Variants in MYO18A observed in about 807,000 individuals in gnomAD.
MYO18A encodes the protein myosin XVIIIA.
MYO18A carries 78 observed loss-of-function variants against 235.8 expected under a neutral mutation model. The ratio of observed to expected loss-of-function variants is 0.33; its 90% CI spans 0.28 to 0.40. The LOEUF is 0.40. Among genes scored for constraint, MYO18A ranks in the 10% least tolerant of loss-of-function variants. The pLI, the probability that MYO18A is intolerant of heterozygous loss-of-function variation, is 1.00. For missense variants in MYO18A, 2,215 were observed against 2,699.3 expected, an observed-to-expected ratio of 0.82 and a Z score of 3.98; for synonymous variants, 977 against 1,077.8, an observed-to-expected ratio of 0.91 and a Z score of 1.83.
chr17:29,125,920 C>T lies in MYO18A; in HGVS notation c.1000-3667G>A, dbSNP rs1256729756. Reference sequence around the variant, plus strand: ...AAGCTGTGAAGATCCTCTCCAGCCGCTGGTGGGCCTCTTCCACGGGGGTCA... The same window carrying T: ...AAGCTGTGAAGATCCTCTCCAGCCGTTGGTGGGCCTCTTCCACGGGGGTCA... On this transcript the variant is annotated intron_variant, in intron 2 of 41. Transcript: ENST00000527372. This position sits in a 1 kb window ranked among gnomAD's most constrained non-coding sequence, Gnocchi z 5.1. 4.1e-6 allele frequency: 4 copies of T among 985,378 alleles called. No homozygotes were observed. The African/African-American group carries it at 5.2e-5, about 13-fold the overall frequency. 61.0% of individuals were successfully genotyped at this position (985,378 alleles called of 1,614,324 possible).
At chr17:29,168,327 C>T (rs561782434) in intron 1 of MYO18A, among the ~76,000 whole-genome samples, 1 of 152,178 alleles carries the variant, frequency 6.6e-6, no homozygotes, top group Non-Finnish European at 1.5e-5. Flanking sequence ...ACCCACCAAC[C>T]TACCCAACCC....
chr17:29,103,549 A>G, intron 21 of MYO18A, 50 bp downstream of exon 21: 1 of 1,586,480 alleles, frequency 6.3e-7, no homozygotes, highest in Non-Finnish European at 8.7e-7. Flanking sequence ...CAGCCACCTG[A>G]CAGGGGCCCC....
At chr17:29,075,478 A>G (rs1181118184) in intron 41 of MYO18A, 1 of 167,340 alleles carries the variant, frequency 6.0e-6, no homozygotes, top group African/African-American at 2.4e-5. Context: ...AGCTTTGACC[A>G]TGCCATCATC....
intron 2 of MYO18A, chr17:29,133,705 C>T (rs2067528937): frequency 3.1e-6 from 3 of 979,386 alleles, no homozygotes; most frequent in Admixed American, 4.7e-5. Flanking sequence ...CTCTAGCTTC[C>T]AAAGCTCCCT....
chr17:29,139,232 G>T (rs1247471407), intron 2 of MYO18A, among the ~76,000 whole-genome samples: 1 of 152,226 alleles, frequency 6.6e-6, no homozygotes. Context: ...TCCAACGACT[G>T]AACCTGCTGG....
At chr17:29,128,085 G>A (rs981516722) in intron 2 of MYO18A, 29 of 1,025,114 alleles carry the variant, frequency 2.8e-5, no homozygotes, top group African/African-American at 2.8e-4. Flanking sequence ...TGCTTGCCGC[G>A]GGCCTTGTGC....
rs2066529065 is a variant in MYO18A at position 29,096,808 on chromosome 17, C to T, written c.4338G>A (p.Leu1446=). Residue 1446 remains leucine (L), a synonymous_variant, in exon 28 of 42, where the codon CTG becomes CTA. Coordinates refer to ENST00000527372, the MANE Select transcript of MYO18A (RefSeq NM_078471.4). ...CGTGGTTGCGGACCTGCTGGCCCTC[C>T]AGGTGCAGCTTGGTGTCTTGCAGCT... ...TAELQDTKLH[L]EGQQVRNHEL... is the part of the protein sequence containing the mutation. The T allele has an allele frequency of 6.2e-7, 1 of 1,605,312 alleles. No individual in the cohort carries two copies. Among genetic ancestry groups the T allele is most frequent in the Admixed American group, 1.7e-5 (1 of 58,970 alleles).
intron 40 of MYO18A, among the ~76,000 whole-genome samples, chr17:29,084,415 C>T (rs2066199992): frequency 6.6e-6 from 1 of 152,186 alleles, no homozygotes; most frequent in African/African-American, 2.4e-5. Flanking sequence ...CTCGCCTTCC[C>T]TTTAGTTGCA....
intron 2 of MYO18A, among the ~76,000 whole-genome samples, chr17:29,148,582 T>TTGTGTG (rs10535921): frequency 0.012 from 1,782 of 148,864 alleles, 18 homozygotes; most frequent in Middle Eastern, 0.028. Flanking sequence ...CTTTATTCTT[T>TTGTGTG]TGTGTGTGTG....
chr17:29,178,510 AC>A (rs1408193742), intron 1 of MYO18A, among the ~76,000 whole-genome samples: 3 of 151,100 alleles, frequency 2.0e-5, no homozygotes, highest in Non-Finnish European at 4.4e-5. Flanking sequence ...CATGTCCTCA[AC>A]CCAAAATGGA....
intron 33 of MYO18A, 105 bp downstream of exon 33, chr17:29,092,750 T>C (rs1023073654): frequency 6.8e-7 from 1 of 1,480,260 alleles, no homozygotes; most frequent in African/African-American, 1.4e-5. Flanking sequence ...CCTGTCACTT[T>C]CCTTCCCAAG....
rs1314951988 is a variant in MYO18A, at chr17:29,096,903, G to A, written c.4243C>T (p.Gln1415Ter). ...CGCTGACTCTCCTCACTATCTGCCTGCAGGTCCCCGAGCTAGGGGCCAAGA... is the reference window on the plus strand; with the variant it reads ...CGCTGACTCTCCTCACTATCTGCCTACAGGTCCCCGAGCTAGGGGCCAAGA... ...RQLERRLGDL[Q>*]ADSEESQRAL... Residue 1415 changes from glutamine to a stop codon, truncating the protein, a stop_gained, in exon 28 of 42, where the codon CAG (glutamine) becomes TAG (stop). Transcript: ENST00000527372. LOFTEE classifies it high-confidence loss of function. 1 of 1,570,454 alleles carries A rather than the reference G, an allele frequency of 6.4e-7. No homozygotes were observed. The highest frequency in any genetic ancestry group is 1.2e-5 in the South Asian group (1 of 85,170).
Position 29,073,791 on chromosome 17 carries a change from G to T in MYO18A, c.*979C>A. 6.8e-7 allele frequency: 1 copy of T among 1,476,960 alleles called. No individual in the cohort carries two copies. The allele number at this position is 1,476,960 out of a possible 1,614,324, so 91.5% of individuals were successfully genotyped here. Reference sequence around the variant, plus strand: ...ACACGGGCTCAGGACACAGAGTGAGGACTCATGTCTAATGAGCACCGGCCA... The same window carrying T: ...ACACGGGCTCAGGACACAGAGTGAGTACTCATGTCTAATGAGCACCGGCCA... On this transcript the variant is annotated 3_prime_UTR_variant, in exon 42 of 42. Coordinates refer to ENST00000527372, the MANE Select transcript of MYO18A (RefSeq NM_078471.4).
intron 20 of MYO18A, among the ~76,000 whole-genome samples, chr17:29,104,100 A>T (rs1009249245): frequency 7.9e-5 from 12 of 152,198 alleles, no homozygotes; most frequent in East Asian, 7.7e-4. Context: ...GGGGGTGGGT[A>T]GTGAAGGTGC....
At position 29,119,341 on chromosome 17, in the gene MYO18A, G is replaced by T; in HGVS notation, c.1823C>A (p.Thr608Asn). ...ACCCTCTGACCCATCTCACCTGAGG[G>T]TGCCATCCCCACAGGCCAGCAGGTA... ...FYYLLACGDGTLRTELHLNHL... is the reference protein window; with the variant it reads ...FYYLLACGDGNLRTELHLNHL... The change falls in exon 8 of 42, where the codon ACC becomes AAC. Residue 608 changes from threonine to asparagine, a missense_variant. Physicochemically the swap from Thr to Asn is moderately conservative, Grantham distance 65. Coordinates refer to ENST00000527372, the MANE Select transcript of MYO18A (RefSeq NM_078471.4). 1 of 1,611,636 alleles carries T rather than the reference G, an allele frequency of 6.2e-7. No individual in the cohort carries two copies. Among genetic ancestry groups the T allele is most frequent in the Non-Finnish European group, 8.5e-7 (1 of 1,179,020 alleles).
chr17:29,103,272 T>A (rs7405754), intron 21 of MYO18A, among the ~76,000 whole-genome samples: 1 of 152,348 alleles, frequency 6.6e-6, no homozygotes, highest in African/African-American at 2.4e-5. Flanking sequence ...CTGTCTCCCC[T>A]ACTCCCCACA....
Position 29,086,923 on chromosome 17 carries a change from C to G in MYO18A, c.5712+13G>C, listed in dbSNP as rs2066269273. ...GCTGCCATGTGGGCCCCGTGGGGGA[C>G]AGGGGGCATTACCAGTTCGTGCTTC... is the stretch of plus-strand genomic sequence containing the variant. On this transcript the variant is annotated intron_variant, in intron 38 of 41. Coordinates refer to ENST00000527372, the MANE Select transcript of MYO18A (RefSeq NM_078471.4). 1 of 1,608,092 alleles carries G rather than the reference C, an allele frequency of 6.2e-7. No homozygotes were observed. Among genetic ancestry groups the G allele is most frequent in the Non-Finnish European group, 8.5e-7 (1 of 1,176,894 alleles).
chr17:29,170,239 C>CA (rs2068372156), intron 1 of MYO18A, among the ~76,000 whole-genome samples: 1 of 152,162 alleles, frequency 6.6e-6, no homozygotes, highest in African/African-American at 2.4e-5. Context: ...GAGGCTGTGC[C>CA]AGCCCTTCCC....
chr17:29,092,520 G>T, intron 33 of MYO18A, 64 bp from the exon 34 acceptor site: 1 of 1,351,520 alleles, frequency 7.4e-7, no homozygotes, highest in Non-Finnish European at 1.0e-6. Context: ...CAGGAGGGCT[G>T]TACAGGAAAG....
Sources: allele counts gnomAD v4.1 joint callset (sites outside exome capture counted in the v4.1 genomes callset), GRCh38; gene constraint gnomAD v4.1.1; non-coding constraint Gnocchi (gnomAD v3.1); transcripts MANE v1.5; gene names NCBI Gene and HGNC (gene_info 2026-07-23, HGNC 2026-07-21).